Variants in MGRN1 observed in about 807,000 individuals in gnomAD.
MGRN1 encodes E3 ubiquitin-protein ligase MGRN1.
In MGRN1, 29 loss-of-function variants were observed where a neutral mutation model predicts 69.2. The observed-to-expected ratio is 0.42, with a 90% confidence interval of 0.31 to 0.57. The LOEUF (loss-of-function observed/expected upper bound fraction) is 0.57. MGRN1 is among the 20% of genes least tolerant of loss of function. The probability of loss-of-function intolerance (pLI) is 0.15; values close to 1 mark genes in which losing one functional copy is unlikely to be tolerated. For missense variants in MGRN1, 998 were observed against 796.2 expected, an observed-to-expected ratio of 1.25 and a Z score of -3.05; for synonymous variants, 470 against 344.2, an observed-to-expected ratio of 1.37 and a Z score of -4.04.
At chr16:4,632,868 A>G (rs1410207752) in intron 1 of MGRN1, among the ~76,000 whole-genome samples, 1 of 152,042 alleles carries the variant, frequency 6.6e-6, no homozygotes, top group Admixed American at 6.6e-5. Flanking sequence ...AGATTACTTG[A>G]GCTCAGAAGT....
intron 5 of MGRN1, among the ~76,000 whole-genome samples, chr16:4,661,588 C>A (rs758191868): frequency 6.6e-6 from 1 of 152,268 alleles, no homozygotes; most frequent in African/African-American, 2.4e-5. Context: ...GACTTGATGC[C>A]GGCAGCCTTG....
intron 9 of MGRN1, among the ~76,000 whole-genome samples, chr16:4,672,079 G>A (rs1453458355): frequency 6.6e-6 from 1 of 152,040 alleles, no homozygotes; most frequent in Non-Finnish European, 1.5e-5. Flanking sequence ...CTAATTTTTT[G>A]TATTTTAGTA....
intron 1 of MGRN1, among the ~76,000 whole-genome samples, chr16:4,648,866 C>T (rs1473856430): frequency 7.1e-6 from 1 of 140,220 alleles, no homozygotes; most frequent in Non-Finnish European, 1.5e-5. Context: ...TCACCCGGCT[C>T]CTCCTCTCGG....
At chr16:4,679,843 G>A (rs181945779) in intron 11 of MGRN1, among the ~76,000 whole-genome samples, 189 bp from the exon 12 acceptor site, 1 of 152,248 alleles carries the variant, frequency 6.6e-6, no homozygotes, top group East Asian at 1.9e-4. Flanking sequence ...GAGCTGCCGA[G>A]ACGCACACAT....
chr16:4,675,884 G>A (rs2079043027), intron 10 of MGRN1, among the ~76,000 whole-genome samples: 2 of 152,236 alleles, frequency 1.3e-5, no homozygotes, highest in South Asian at 4.1e-4. Context: ...TCTTCCAGTA[G>A]AGGGAACAAC....
chr16:4,675,733 C>CAA (rs551578710), intron 10 of MGRN1, among the ~76,000 whole-genome samples: 6 of 88,452 alleles, frequency 6.8e-5, no homozygotes, highest in Non-Finnish European at 9.7e-5. Context: ...GACCCTGTTT[C>CAA]AAAAAAAAAA....
At chr16:4,674,795 C>T (rs1188918737) in intron 10 of MGRN1, among the ~76,000 whole-genome samples, 7 of 149,566 alleles carry the variant, frequency 4.7e-5, no homozygotes, top group African/African-American at 1.2e-4. Context: ...CGCCCGCCAC[C>T]GCGCCCGGCT....
chr16:4,636,482 C>T (rs546986914), intron 1 of MGRN1, among the ~76,000 whole-genome samples: 3 of 152,072 alleles, frequency 2.0e-5, no homozygotes, highest in Admixed American at 6.6e-5. Context: ...TTGTGTCTGG[C>T]GGTGGTGCCC....
intron 8 of MGRN1, among the ~76,000 whole-genome samples, chr16:4,670,593 G>T (rs1319433963): frequency 6.6e-6 from 1 of 152,244 alleles, no homozygotes; most frequent in Non-Finnish European, 1.5e-5. Flanking sequence ...AGTGGCTTAT[G>T]CCTATGATCC....
intron 1 of MGRN1, among the ~76,000 whole-genome samples, chr16:4,646,367 C>A (rs564225636): frequency 4.6e-5 from 7 of 152,062 alleles, no homozygotes; most frequent in African/African-American, 1.7e-4. Flanking sequence ...AGGTCCAAGG[C>A]TGCAGTGATC....
intron 4 of MGRN1, among the ~76,000 whole-genome samples, chr16:4,653,848 G>T (rs536138287): frequency 1.9e-3 from 294 of 152,058 alleles, no homozygotes; most frequent in Non-Finnish European, 3.6e-3. Context: ...CGCCTCCTAG[G>T]TTCAAGTGCT....
rs147966465 is a variant in MGRN1 at position 4,674,083 on chromosome 16, C to T, written c.955+426C>T. On this transcript the variant is annotated intron_variant, in intron 10 of 16. Transcript: ENST00000262370. ...TACTGTAACCTCTGCCTCCTGAGTTCAAGCAATTCTCCTGTCTCAGCCTCC... is the reference window on the plus strand; with the variant it reads ...TACTGTAACCTCTGCCTCCTGAGTTTAAGCAATTCTCCTGTCTCAGCCTCC... 6.8e-3 allele frequency among the ~76,000 whole-genome samples: 1,038 copies of T among 152,114 alleles called. 5 individuals are homozygous for T. The highest frequency in any genetic ancestry group is 0.027 in the Middle Eastern group (8 of 294).
rs780513830 is a variant in MGRN1, at chr16:4,688,956, G to A, written c.*48G>A. The A allele has an allele frequency of 1.3e-6, 2 of 1,504,964 alleles. No individual in the cohort carries two copies. Among genetic ancestry groups the A allele is most frequent in the East Asian group, 2.5e-5 (1 of 40,060 alleles). 93.2% of individuals were successfully genotyped at this position (1,504,964 alleles called of 1,614,324 possible). ...TGGAGCCCTCGGCTCCCCAGACTTT[G>A]CCGAGGGGCTGCTCCGGACCCCGTT... On this transcript the variant is annotated 3_prime_UTR_variant, in exon 17 of 17. Coordinates refer to ENST00000262370, the MANE Select transcript of MGRN1 (RefSeq NM_015246.4).
chr16:4,658,724 G>A (rs934397061), intron 5 of MGRN1: 1 of 151,028 alleles, frequency 6.6e-6, no homozygotes, highest in African/African-American at 2.4e-5. Flanking sequence ...AATAAAACAA[G>A]CCAGGTGTGG....
At chr16:4,670,555 C>G (rs955203890) in intron 8 of MGRN1, among the ~76,000 whole-genome samples, 3 of 152,162 alleles carry the variant, frequency 2.0e-5, no homozygotes, top group Non-Finnish European at 4.4e-5. Context: ...CATCTGTTAG[C>G]TTTTTAGAAG....
intron 1 of MGRN1, among the ~76,000 whole-genome samples, chr16:4,645,357 C>A (rs998883751): frequency 2.0e-5 from 3 of 152,258 alleles, no homozygotes; most frequent in South Asian, 4.1e-4. Context: ...TTTGTAGAGA[C>A]AGCGTCTCCC....
At chr16:4,664,965 C>T in intron 6 of MGRN1, 137 bp from the exon 7 acceptor site, 3 of 1,190,248 alleles carry the variant, frequency 2.5e-6, no homozygotes, top group Non-Finnish European at 3.7e-6. Context: ...AGGGCAGGTC[C>T]CAGAACAGGC....
intron 1 of MGRN1, among the ~76,000 whole-genome samples, chr16:4,637,100 C>T (rs1898336990): frequency 8.6e-6 from 1 of 115,730 alleles, no homozygotes; most frequent in South Asian, 2.7e-4. Flanking sequence ...GCCCGGGCGA[C>T]AGAGCAAGAC....
At chr16:4,649,150 C>G (rs528624831) in intron 1 of MGRN1, 1 of 152,478 alleles carries the variant, frequency 6.6e-6, no homozygotes, top group African/African-American at 2.4e-5. Context: ...CCTACAGCCT[C>G]CCGCCCTCAC....
Sources: gnomAD v4.1 joint callset for allele counts (sites outside exome capture counted in the v4.1 genomes callset) on GRCh38, gnomAD v4.1.1 for gene constraint, MANE v1.5 for transcripts, NCBI Gene and HGNC (gene_info 2026-07-23, HGNC 2026-07-21) for gene names.